CAMLG: variants seen among roughly 807,000 people sequenced by gnomAD.
The protein encoded by CAMLG is calcium modulating ligand.
CAMLG carries 23 observed loss-of-function variants against 28.9 expected under a neutral mutation model. That is an observed-to-expected ratio of 0.80 (90% CI 0.57 to 1.13). The LOEUF is 1.13. CAMLG is among the 50% of genes most tolerant of loss of function. The pLI is 0.00. For synonymous variants in CAMLG, 141 were observed against 146.5 expected (o/e 0.96, Z 0.27); for missense variants, 367 against 371.9 (o/e 0.99, Z 0.11).
intron 2 of CAMLG, among the ~76,000 whole-genome samples, chr5:134,742,886 G>GCC (rs1753001071): frequency 6.6e-6 from 1 of 152,070 alleles, no homozygotes; most frequent in Non-Finnish European, 1.5e-5. Context: ...CTACAGGCAT[G>GCC]TGCCAACACG....
At position 134,751,494 on chromosome 5, in the gene CAMLG, A is replaced by G. The variant is rs977048245; in HGVS notation, c.*544A>G. 5 of 152,224 alleles carry G rather than the reference A, an allele frequency of 3.3e-5. No individual in the cohort carries two copies. Among genetic ancestry groups the G allele is most frequent in the African/African-American group, 9.6e-5 (4 of 41,462 alleles). 9.4% of individuals were successfully genotyped at this position (152,224 alleles called of 1,614,324 possible). ...ATTCATACATGTGAAATTGGAAGGT[A>G]TTTATAAAATTTTTATTGCTGTATA... On this transcript the variant is annotated 3_prime_UTR_variant, in exon 4 of 4. Transcript: ENST00000297156.
chr5:134,741,169 A>C lies in CAMLG; in HGVS notation c.279A>C (p.Thr93=). ...KRVVLGDSVS[T]GTTDQQGGVA... is the part of the protein sequence containing the mutation. ...TAGTGCTGGGTGATTCAGTCAGTAC[A>C]GGAACAACTGACCAGCAGGGTGGTG... The change falls in exon 2 of 4, where the codon ACA becomes ACC. Residue 93 remains threonine (T), a synonymous_variant. Transcript: ENST00000297156. 1.2e-6 allele frequency: 2 copies of C among 1,614,028 alleles called. No individual in the cohort carries two copies. Among genetic ancestry groups the C allele is most frequent in the Non-Finnish European group, 1.7e-6 (2 of 1,179,862 alleles).
intron 2 of CAMLG, 137 bp downstream of exon 2, chr5:134,741,660 A>T: frequency 1.6e-6 from 1 of 636,174 alleles, no homozygotes; most frequent in African/African-American, 1.8e-5. Flanking sequence ...AAGATATATT[A>T]TTAACTTTGC....
At chr5:134,746,981 C>T (rs1445195791) in intron 3 of CAMLG, among the ~76,000 whole-genome samples, 1 of 152,012 alleles carries the variant, frequency 6.6e-6, no homozygotes, top group Non-Finnish European at 1.5e-5. Flanking sequence ...CCCAGCTACT[C>T]AGTGTCTGAG....
intron 1 of CAMLG, among the ~76,000 whole-genome samples, chr5:134,739,836 C>A (rs78170340): frequency 0.013 from 1,906 of 152,214 alleles, 39 homozygotes; most frequent in African/African-American, 0.044. Context: ...GAGGTACTTT[C>A]TATATTTTGT....
At chr5:134,739,792 A>C (rs968149387) in intron 1 of CAMLG, among the ~76,000 whole-genome samples, 1 of 152,180 alleles carries the variant, frequency 6.6e-6, no homozygotes, top group Admixed American at 6.5e-5. Flanking sequence ...CTATCGGGCT[A>C]TTTATTCTTA....
At chr5:134,747,383 G>C (rs996961391) in intron 3 of CAMLG, among the ~76,000 whole-genome samples, 2 of 151,030 alleles carry the variant, frequency 1.3e-5, no homozygotes, top group African/African-American at 4.9e-5. Context: ...GACGAGGCTT[G>C]CTCTGTCACC....
At chr5:134,744,586 A>G (rs1753023992) in intron 3 of CAMLG, among the ~76,000 whole-genome samples, 1 of 152,086 alleles carries the variant, frequency 6.6e-6, no homozygotes, top group Non-Finnish European at 1.5e-5. Context: ...ACATTGCCAT[A>G]ACATTGTTAT....
chr5:134,744,447 C>G (rs566442011), intron 3 of CAMLG, among the ~76,000 whole-genome samples: 4 of 150,924 alleles, frequency 2.7e-5, no homozygotes, highest in South Asian at 2.1e-4. Context: ...TTGCTCCAAC[C>G]CAGGAGGCAG....
At position 134,741,292 on chromosome 5, in the gene CAMLG, G is replaced by A. The variant is rs374260960; in HGVS notation, c.402G>A (p.Arg134=). Residue 134 remains arginine (R), a synonymous_variant, in exon 2 of 4, where the codon CGG becomes CGA. Coordinates refer to ENST00000297156, the MANE Select transcript of CAMLG (RefSeq NM_001745.4). ...SSDVNLELRQ[R]NRGDLTADSV... ...ATGTCAACCTTGAGCTCCGGCAGCGGAACAGAGGGGACCTGACAGCGGACT... is the reference window on the plus strand; with the variant it reads ...ATGTCAACCTTGAGCTCCGGCAGCGAAACAGAGGGGACCTGACAGCGGACT... 1.7e-5 allele frequency: 27 copies of A among 1,614,074 alleles called. No homozygotes were observed. In the South Asian group the frequency reaches 3.0e-4, roughly 18 times the overall value.
intron 3 of CAMLG, among the ~76,000 whole-genome samples, chr5:134,750,340 C>T (rs1292765110): frequency 6.6e-6 from 1 of 152,068 alleles, no homozygotes; most frequent in Non-Finnish European, 1.5e-5. Context: ...GAGTTTGAGA[C>T]CAGCCTGACC....
chr5:134,741,114 C>T lies in CAMLG; in HGVS notation c.224C>T (p.Ser75Phe), dbSNP rs752127832. ...SKQQDSDKLN[S>F]LSVPSVSKRV... ...CAGCAGGACAGTGATAAACTGAACT[C>T]CCTCAGCGTTCCTTCCGTTTCAAAG... The change falls in exon 2 of 4, where the codon TCC (serine) becomes TTC (phenylalanine). Residue 75 changes from serine to phenylalanine, a missense_variant. Ser to Phe is a radical substitution (Grantham distance 155). Transcript: ENST00000297156. 3 of 1,613,996 alleles carry T rather than the reference C, an allele frequency of 1.9e-6. No individual in the cohort carries two copies. Among genetic ancestry groups the T allele is most frequent in the East Asian group, 4.5e-5 (2 of 44,898 alleles).
chr5:134,748,738 A>T (rs1753079609), intron 3 of CAMLG, among the ~76,000 whole-genome samples: 1 of 152,150 alleles, frequency 6.6e-6, no homozygotes, highest in Non-Finnish European at 1.5e-5. Flanking sequence ...CCTATACCCC[A>T]AAGAACTTTT....
Position 134,751,065 on chromosome 5 carries a change from G to A in CAMLG, c.*115G>A. On this transcript the variant is annotated 3_prime_UTR_variant, in exon 4 of 4. Transcript: ENST00000297156. The stretch of plus-strand genomic sequence containing the variant: ...ACCTTCATGTAATTCTTTTACTTTA[G>A]GGGTTGTAAAGCTACTTTATTAGAT... 1 of 694,012 alleles carries A rather than the reference G, an allele frequency of 1.4e-6. No homozygotes were observed. 43.0% of individuals were successfully genotyped at this position (694,012 alleles called of 1,614,324 possible). A position where few individuals can be genotyped will look rare whatever the true frequency, so the allele number is the denominator to read the frequency against.
intron 3 of CAMLG, among the ~76,000 whole-genome samples, chr5:134,748,994 T>G (rs202208056): frequency 6.6e-6 from 1 of 151,830 alleles, no homozygotes; most frequent in Non-Finnish European, 1.5e-5. Flanking sequence ...TTGGGGTTAT[T>G]ATGACTAAAA....
intron 3 of CAMLG, among the ~76,000 whole-genome samples, chr5:134,748,841 CATG>C (rs1332565813): frequency 6.6e-6 from 1 of 152,068 alleles, no homozygotes; most frequent in Non-Finnish European, 1.5e-5. Flanking sequence ...CTTTATTCCG[CATG>C]ATATTTTTGA....
chr5:134,744,864 A>G lies in CAMLG; in HGVS notation c.699+812A>G, dbSNP rs188392020. Among the ~76,000 whole-genome samples the G allele has an allele frequency of 1.3e-3, 203 of 152,328 alleles. 5 individuals are homozygous for G. Among genetic ancestry groups the G allele is most frequent in the Non-Finnish European group, 2.1e-4 (14 of 68,028 alleles). ...CAGAACAGAATGATGTTGAGAGTCA[A>G]TGTTTACCTGGCCTACTTGACTACA... is the stretch of plus-strand genomic sequence containing the variant. On this transcript the variant is annotated intron_variant, in intron 3 of 3. Coordinates refer to ENST00000297156, the MANE Select transcript of CAMLG (RefSeq NM_001745.4).
At chr5:134,743,953 T>C in intron 2 of CAMLG, 34 bp from the exon 3 acceptor site, 1 of 957,060 alleles carries the variant, frequency 1.0e-6, no homozygotes. Context: ...ATGATTATGT[T>C]GGAAATATTT....
At position 134,741,160 on chromosome 5, in the gene CAMLG, A is replaced by G; in HGVS notation, c.270A>G (p.Ser90=). 1.2e-6 allele frequency: 2 copies of G among 1,614,020 alleles called. No homozygotes were observed. The highest frequency in any genetic ancestry group is 1.7e-6 in the Non-Finnish European group (2 of 1,179,854). Residue 90 remains serine, a synonymous_variant, in exon 2 of 4, where the codon TCA becomes TCG. Coordinates refer to ENST00000297156, the MANE Select transcript of CAMLG (RefSeq NM_001745.4). Reference sequence around the variant, plus strand: ...CAAAGCGAGTAGTGCTGGGTGATTCAGTCAGTACAGGAACAACTGACCAGC... The same window carrying G: ...CAAAGCGAGTAGTGCTGGGTGATTCGGTCAGTACAGGAACAACTGACCAGC... The part of the protein sequence containing the change: ...SVSKRVVLGD[S]VSTGTTDQQG...
Sources: allele counts gnomAD v4.1 joint callset (sites outside exome capture counted in the v4.1 genomes callset), GRCh38; gene constraint gnomAD v4.1.1; transcripts MANE v1.5; gene names NCBI Gene and HGNC (gene_info 2026-07-23, HGNC 2026-07-21).